Variants in BCL11A observed in about 807,000 individuals in gnomAD.
The protein encoded by BCL11A is B cell CLL/lymphoma 11A.
In BCL11A, 2 loss-of-function variants were observed where a neutral mutation model predicts 55.9. The ratio of observed to expected loss-of-function variants is 0.04; its 90% confidence interval spans 0.01 to 0.11. The LOEUF is 0.11. BCL11A is among the 10% of genes least tolerant of loss of function. The probability of loss-of-function intolerance (pLI) is 1.00; values close to 1 mark genes in which losing one functional copy is unlikely to be tolerated. For synonymous variants in BCL11A, 465 were observed against 473.4 expected, an observed-to-expected ratio of 0.98 and a Z score of 0.23; for missense variants, 817 against 1,137.1, an observed-to-expected ratio of 0.72 and a Z score of 4.05.
intron 2 of BCL11A, among the ~76,000 whole-genome samples, chr2:60,485,218 C>G (rs1190328934): frequency 1.3e-5 from 2 of 152,186 alleles, no homozygotes; most frequent in Non-Finnish European, 2.9e-5. Context: ...GGAAGTCTGG[C>G]CTTGGAGTTA....
chr2:60,460,231 G>T lies in BCL11A; in HGVS notation c.*173C>A. ...AAAGAAAAAAAACAGGTGTGCTGGT[G>T]ACAAGCACTCTCATATTCTTAGCTT... is the stretch of plus-strand genomic sequence containing the variant. On this transcript the variant is annotated 3_prime_UTR_variant, in exon 4 of 4. Transcript: ENST00000642384. 2 of 1,333,254 alleles carry T rather than the reference G, an allele frequency of 1.5e-6. No homozygotes were observed. Among genetic ancestry groups the T allele is most frequent in the South Asian group, 4.5e-5 (2 of 44,086 alleles). The allele number at this position is 1,333,254 out of a possible 1,614,324, so 82.6% of individuals were successfully genotyped here. A position where few individuals can be genotyped will look rare whatever the true frequency, so the allele number is the denominator to read the frequency against.
At chr2:60,471,415 C>G (rs1677189168) in intron 2 of BCL11A, among the ~76,000 whole-genome samples, 1 of 152,258 alleles carries the variant, frequency 6.6e-6, no homozygotes, top group South Asian at 2.1e-4. Flanking sequence ...TTCCACTAAA[C>G]ACATCCATAA....
At chr2:60,488,391 T>G (rs951082753) in intron 2 of BCL11A, among the ~76,000 whole-genome samples, 1 of 152,210 alleles carries the variant, frequency 6.6e-6, no homozygotes, top group African/African-American at 2.4e-5. Flanking sequence ...CATTTAAAGA[T>G]GACAGTACTT....
At chr2:60,507,245 AGGGGAGGGGAG>A (rs1679662531) in intron 2 of BCL11A, among the ~76,000 whole-genome samples, 4 of 1,578 alleles carry the variant, frequency 2.5e-3, no homozygotes, top group African/African-American at 4.3e-3. Context: ...GGAGGGAGGG[AGGGGAGGGGAG>A]GGGAGGGGAG....
At chr2:60,493,090 G>A (rs185006771) in intron 2 of BCL11A, among the ~76,000 whole-genome samples, 7 of 152,248 alleles carry the variant, frequency 4.6e-5, no homozygotes, top group South Asian at 2.1e-4. Flanking sequence ...ACAGGATATC[G>A]TCTTTTGTGT....
At chr2:60,472,856 A>G (rs1424142922) in intron 2 of BCL11A, among the ~76,000 whole-genome samples, 1 of 152,244 alleles carries the variant, frequency 6.6e-6, no homozygotes, top group African/African-American at 2.4e-5. Flanking sequence ...ATGTGCCAAA[A>G]CAGCTAAGCA....
intron 2 of BCL11A, among the ~76,000 whole-genome samples, chr2:60,517,202 G>A (rs1054379224): frequency 3.9e-5 from 6 of 152,176 alleles, no homozygotes; most frequent in African/African-American, 1.4e-4. Flanking sequence ...GCCAATTCTG[G>A]AGGGCCATCT....
intron 2 of BCL11A, among the ~76,000 whole-genome samples, chr2:60,513,177 C>T (rs1015597876): frequency 1.3e-5 from 2 of 152,138 alleles, no homozygotes; most frequent in African/African-American, 4.8e-5. Flanking sequence ...CTTTATCTTT[C>T]TCATCTTTGA....
intron 3 of BCL11A, among the ~76,000 whole-genome samples, chr2:60,463,281 T>C (rs1676416388): frequency 6.6e-6 from 1 of 152,160 alleles, no homozygotes; most frequent in South Asian, 2.1e-4. Flanking sequence ...TTAGGAGGAG[T>C]GGCTGGTGCC....
chr2:60,505,545 T>C (rs762179248), intron 2 of BCL11A, among the ~76,000 whole-genome samples: 1 of 152,218 alleles, frequency 6.6e-6, no homozygotes, highest in South Asian at 2.1e-4. Flanking sequence ...CTCTTTTACC[T>C]TCTTGTCCAA....
chr2:60,454,044 AAG>A (rs137895462), downstream of BCL11A, among the ~76,000 whole-genome samples: 16 of 150,252 alleles, frequency 1.1e-4, no homozygotes, highest in South Asian at 2.1e-4. Context: ...GAGAGAGAGA[AAG>A]AGAGAGAGAG....
chr2:60,529,469 GA>G (rs964743454), intron 2 of BCL11A, among the ~76,000 whole-genome samples: 6 of 152,152 alleles, frequency 3.9e-5, no homozygotes, highest in Non-Finnish European at 5.9e-5. Context: ...TAATCAAAGA[GA>G]AGAAGAAAAG....
At chr2:60,519,057 G>T (rs1668858014) in intron 2 of BCL11A, among the ~76,000 whole-genome samples, 1 of 152,170 alleles carries the variant, frequency 6.6e-6, no homozygotes, top group Non-Finnish European at 1.5e-5. Context: ...ACAGAAGTGG[G>T]ATTTTTCAAT....
At chr2:60,452,629 T>G, downstream of BCL11A, 1 of 1,613,776 alleles carries the variant, frequency 6.2e-7, no homozygotes, top group Non-Finnish European at 8.5e-7. Flanking sequence ...CATCTTGAGC[T>G]CTCTGGGTAC....
At chr2:60,543,797 T>C (rs1670029338) in intron 2 of BCL11A, 1 of 152,234 alleles carries the variant, frequency 6.6e-6, no homozygotes, top group South Asian at 2.1e-4. Flanking sequence ...GCACTTGTTG[T>C]GCGCCCATTG....
chr2:60,473,207 T>C (rs1572973809), intron 2 of BCL11A, among the ~76,000 whole-genome samples: 2 of 151,926 alleles, frequency 1.3e-5, no homozygotes, highest in East Asian at 2.0e-4. Flanking sequence ...TGTGTGTATA[T>C]TTCCTAAACA....
At chr2:60,502,880 G>A (rs1320335493) in intron 2 of BCL11A, among the ~76,000 whole-genome samples, 1 of 152,214 alleles carries the variant, frequency 6.6e-6, no homozygotes, top group African/African-American at 2.4e-5. Flanking sequence ...TGGGTAAAAT[G>A]AGCTGGGGAA....
At chr2:60,478,985 C>A (rs1677795415) in intron 2 of BCL11A, among the ~76,000 whole-genome samples, 1 of 150,782 alleles carries the variant, frequency 6.6e-6, no homozygotes, top group Non-Finnish European at 1.5e-5. Context: ...TTTTTTCCCT[C>A]CTCCCTGGCT....
At position 60,510,946 on chromosome 2, in the gene BCL11A, A is replaced by G. The variant is rs532219392; in HGVS notation, c.385+35025T>C. Reference sequence around the variant, plus strand: ...GACAGGAGCCAGTTAAAACCAAACGAAAGTCTTTCCTAAGGCTTAGGTGGA... The same window carrying G: ...GACAGGAGCCAGTTAAAACCAAACGGAAGTCTTTCCTAAGGCTTAGGTGGA... On this transcript the variant is annotated intron_variant, in intron 2 of 3. Transcript: ENST00000642384. Among the ~76,000 whole-genome samples the G allele has an allele frequency of 2.0e-5, 3 of 152,346 alleles. No homozygotes were observed. The South Asian group carries it at 6.2e-4, about 32-fold the overall frequency.
Sources: gnomAD v4.1 joint callset for allele counts (sites outside exome capture counted in the v4.1 genomes callset) on GRCh38, gnomAD v4.1.1 for gene constraint, MANE v1.5 for transcripts, NCBI Gene and HGNC (gene_info 2026-07-23, HGNC 2026-07-21) for gene names.